The following FCHO2 variants were observed in gnomAD, a reference collection of about 807,000 sequenced individuals.
The protein encoded by FCHO2 is FCH and mu domain containing endocytic adaptor 2, also known as F-BAR domain only protein 2.
A neutral mutation model predicts 114.1 loss-of-function variants in FCHO2; 43 were observed. The observed-to-expected ratio is 0.38, with a 90% CI of 0.30 to 0.49. FCHO2 has a LOEUF of 0.49. Among genes scored for constraint, FCHO2 ranks in the 20% least tolerant of loss-of-function variants. FCHO2 has a pLI of 0.97. For missense variants in FCHO2, 807 were observed against 950.4 expected (o/e 0.85, Z 1.98); for synonymous variants, 293 against 315.2 (o/e 0.93, Z 0.75).
chr5:72,989,367 A>T, intron 2 of FCHO2, 60 bp from the exon 3 acceptor site: 1 of 1,227,806 alleles, frequency 8.1e-7, no homozygotes, highest in Non-Finnish European at 1.1e-6. Context: ...TATTTTGATA[A>T]CTTTGCTGTT....
At chr5:72,968,849 A>G (rs1176423732) in intron 2 of FCHO2, among the ~76,000 whole-genome samples, 1 of 152,178 alleles carries the variant, frequency 6.6e-6, no homozygotes, top group African/African-American at 2.4e-5. Context: ...TTCACTGGAT[A>G]TGCTAGCAAG....
At chr5:72,972,966 G>T (rs1295363421) in intron 2 of FCHO2, among the ~76,000 whole-genome samples, 2 of 152,174 alleles carry the variant, frequency 1.3e-5, no homozygotes, top group Admixed American at 1.3e-4. Flanking sequence ...TAATCATGTG[G>T]TTTTTGTCTT....
intron 18 of FCHO2, among the ~76,000 whole-genome samples, chr5:73,066,181 A>G (rs371309394): frequency 8.5e-5 from 13 of 152,130 alleles, no homozygotes; most frequent in Middle Eastern, 3.4e-3. Flanking sequence ...TGAATCCTTC[A>G]CATCATCCCC....
intron 8 of FCHO2, among the ~76,000 whole-genome samples, chr5:73,031,382 T>C (rs1158690456): frequency 2.0e-5 from 3 of 152,200 alleles, no homozygotes; most frequent in Admixed American, 6.5e-5. Flanking sequence ...CCAGACTTTC[T>C]ATTTGAGTTT....
intron 5 of FCHO2, among the ~76,000 whole-genome samples, chr5:72,996,488 T>C (rs780233787): frequency 1.3e-5 from 2 of 152,070 alleles, no homozygotes; most frequent in East Asian, 1.9e-4. Flanking sequence ...AACCTTTAAT[T>C]CTCTGTAAAA....
At position 72,989,457 on chromosome 5, in the gene FCHO2, A is replaced by T; in HGVS notation, c.156A>T (p.Ser52=). 1 of 1,607,520 alleles carries T rather than the reference A, an allele frequency of 6.2e-7. No individual in the cohort carries two copies. The highest frequency in any genetic ancestry group is 1.1e-5 in the South Asian group (1 of 89,422). ...CCATAGAGGAGGCATACTCCAGGTCAATGACAAAACTAGCAAAATCTGCAA... is the reference window on the plus strand; with the variant it reads ...CCATAGAGGAGGCATACTCCAGGTCTATGACAAAACTAGCAAAATCTGCAA... ...RATIEEAYSR[S]MTKLAKSASN... The change falls in exon 3 of 26, where the codon TCA becomes TCT. Residue 52 remains serine, a synonymous_variant. Transcript: ENST00000430046.
In FCHO2 at chr5:73,058,425, T is replaced by C. The variant is rs1757699111; in HGVS notation, c.1254-8T>C. 3.9e-6 allele frequency: 6 copies of C among 1,529,662 alleles called. No individual in the cohort carries two copies. The East Asian group carries it at 1.4e-4, about 37-fold the overall frequency. 94.8% of individuals were successfully genotyped at this position (1,529,662 alleles called of 1,614,324 possible). A position where few individuals can be genotyped will look rare whatever the true frequency, so the allele number is the denominator to read the frequency against. On this transcript the variant is annotated splice_region_variant and splice_polypyrimidine_tract_variant and intron_variant, in intron 16 of 25. Coordinates refer to ENST00000430046, the MANE Select transcript of FCHO2 (RefSeq NM_138782.3). The stretch of plus-strand genomic sequence containing the variant: ...TTAAAATTTTTGCTTTTAAAAATAT[T>C]ATGGTAGAAAAGGAACCAGTGATTT...
At chr5:73,085,179 T>C (rs1269069338) in intron 24 of FCHO2, among the ~76,000 whole-genome samples, 2 of 152,046 alleles carry the variant, frequency 1.3e-5, no homozygotes. Flanking sequence ...TGAAACCCTG[T>C]CTCTACTAAA....
At position 73,088,329 on chromosome 5, in the gene FCHO2, C is replaced by A. The variant is rs751234889; in HGVS notation, c.*239C>A. On this transcript the variant is annotated 3_prime_UTR_variant, in exon 26 of 26. Coordinates refer to ENST00000430046, the MANE Select transcript of FCHO2 (RefSeq NM_138782.3). ...TTCAGGAAGCACATTTATTCAGATT[C>A]TCAGTAAAAATGAAGTTTTTGTAGG... 1 of 509,538 alleles carries A rather than the reference C, an allele frequency of 2.0e-6. No homozygotes were observed. The highest frequency in any genetic ancestry group is 3.4e-6 in the Non-Finnish European group (1 of 292,132). The allele number at this position is 509,538 out of a possible 1,614,324, so 31.6% of individuals were successfully genotyped here.
intron 18 of FCHO2, among the ~76,000 whole-genome samples, chr5:73,067,097 A>G (rs1304595621): frequency 6.6e-6 from 1 of 152,018 alleles, no homozygotes; most frequent in Non-Finnish European, 1.5e-5. Flanking sequence ...TTTGCTCTGT[A>G]TGTTGTAGCA....
intron 23 of FCHO2, 75 bp downstream of exon 23, chr5:73,082,057 T>A: frequency 7.6e-7 from 1 of 1,317,900 alleles, no homozygotes; most frequent in Non-Finnish European, 1.0e-6. Flanking sequence ...CCAAGTTCTG[T>A]AAGTTTTCTT....
chr5:73,090,013 A>AAC lies in FCHO2; in HGVS notation c.*1924_*1925dup, dbSNP rs1469930440. The AAC allele has an allele frequency of 6.6e-6, 1 of 152,560 alleles. No individual in the cohort carries two copies. The highest frequency in any genetic ancestry group is 1.9e-4 in the East Asian group (1 of 5,206). 9.5% of individuals were successfully genotyped at this position (152,560 alleles called of 1,614,324 possible). ...CTAACTGTAATTTGCTTTGCAATCA[A>AAC]ACTGCTTTTAGGGCAGCCAATATTT... On this transcript the variant is annotated 3_prime_UTR_variant, in exon 26 of 26. Transcript: ENST00000430046.
rs1022501293 is a variant in FCHO2 at position 72,992,907 on chromosome 5, A to G, written c.495+2043A>G. ...GGAGGTACCATTTATGTTTTATTCTATGAATGTCCAGCAGTACTGATGAAG... is the reference window on the plus strand; with the variant it reads ...GGAGGTACCATTTATGTTTTATTCTGTGAATGTCCAGCAGTACTGATGAAG... On this transcript the variant is annotated intron_variant, in intron 5 of 25. Transcript: ENST00000430046. Among the ~76,000 whole-genome samples, 35 of 151,958 alleles carry G rather than the reference A, an allele frequency of 2.3e-4. 1 individual carries two copies. The highest frequency in any genetic ancestry group is 1.6e-4 in the Non-Finnish European group (11 of 67,998).
intron 13 of FCHO2, 41 bp from the exon 14 acceptor site, chr5:73,054,119 G>A: frequency 7.0e-7 from 1 of 1,420,518 alleles, no homozygotes; most frequent in Middle Eastern, 1.8e-4. Context: ...ACAGTATTCA[G>A]AATTCTAACC....
intron 11 of FCHO2, among the ~76,000 whole-genome samples, chr5:73,047,311 G>T (rs754634248): frequency 1.3e-5 from 2 of 151,982 alleles, no homozygotes; most frequent in African/African-American, 4.8e-5. Flanking sequence ...CACATTCAGA[G>T]AAGTGTTCGT....
intron 5 of FCHO2, among the ~76,000 whole-genome samples, chr5:72,998,424 T>C (rs1191345652): frequency 1.3e-5 from 2 of 151,926 alleles, no homozygotes; most frequent in Admixed American, 6.6e-5. Context: ...GAGGCAGAGC[T>C]TGCAGTGAGC....
chr5:73,018,913 C>T (rs763178140), intron 8 of FCHO2, among the ~76,000 whole-genome samples: 7 of 152,106 alleles, frequency 4.6e-5, no homozygotes, highest in African/African-American at 7.2e-5. Context: ...GAAACAAGCA[C>T]GCAAGCAGTG....
In FCHO2 at chr5:72,990,580, T is replaced by C. The variant is rs1580058730; in HGVS notation, c.303T>C (p.Val101=). ...VRKLQELIKE[V]QKYGEEQVKS... ...AATTACAAGAATTAATAAAGGAAGT[T>C]CAGAAGTATGGAGAAGAACAAGTAA... Residue 101 remains valine, a synonymous_variant, in exon 4 of 26, where the codon GTT becomes GTC. Transcript: ENST00000430046. 6.5e-7 allele frequency: 1 copy of C among 1,536,716 alleles called. No individual in the cohort carries two copies. Among genetic ancestry groups the C allele is most frequent in the Non-Finnish European group, 8.7e-7 (1 of 1,145,360 alleles).
At chr5:73,060,898 T>C (rs575751581) in intron 17 of FCHO2, among the ~76,000 whole-genome samples, 5 of 151,928 alleles carry the variant, frequency 3.3e-5, no homozygotes, top group Admixed American at 2.0e-4. Context: ...AACATCGATA[T>C]GTGTATTTTT....
Sources: gnomAD v4.1 joint callset for allele counts (sites outside exome capture counted in the v4.1 genomes callset) on GRCh38, gnomAD v4.1.1 for gene constraint, MANE v1.5 for transcripts, NCBI Gene and HGNC (gene_info 2026-07-23, HGNC 2026-07-21) for gene names.